The following ATP1A4 variants were observed in gnomAD, a reference collection of about 807,000 sequenced individuals.
ATP1A4 encodes the protein sodium/potassium-transporting ATPase subunit alpha-4.
Under a neutral mutation model 114.3 loss-of-function variants are expected in ATP1A4, and 90 were observed. That is an observed-to-expected ratio of 0.79 (90% CI 0.66 to 0.94). The LOEUF (loss-of-function observed/expected upper bound fraction) is 0.94, where lower values mean the gene tolerates loss of function less well. Among genes scored for constraint, ATP1A4 ranks in the 40% least tolerant of loss-of-function variants. The pLI, the probability that ATP1A4 is intolerant of heterozygous loss-of-function variation, is 0.00. For synonymous variants in ATP1A4, 511 were observed against 494.1 expected, an observed-to-expected ratio of 1.03 and a Z score of -0.45; for missense variants, 1,222 against 1,313.6, an observed-to-expected ratio of 0.93 and a Z score of 1.08.
intron 19 of ATP1A4, 22 bp downstream of exon 19, chr1:160,181,836 C>CT: frequency 1.2e-6 from 2 of 1,613,646 alleles, no homozygotes; most frequent in Non-Finnish European, 1.7e-6. Context: ...ACAAAACAGC[C>CT]CAGCACTCTC....
rs757169894 is a variant in ATP1A4 at position 160,155,128 on chromosome 1, G to C, written c.291G>C (p.Trp97Cys). 6.2e-7 allele frequency: 1 copy of C among 1,613,610 alleles called. No individual in the cohort carries two copies. The highest frequency in any genetic ancestry group is 8.5e-7 in the Non-Finnish European group (1 of 1,179,870). The change falls in exon 3 of 22, where the codon TGG becomes TGC. Residue 97 changes from tryptophan to cysteine, a missense_variant. Trp to Cys is a radical substitution (Grantham distance 215). Coordinates refer to ENST00000368081, the MANE Select transcript of ATP1A4 (RefSeq NM_144699.4). ...CCCCACCCCCCACCACTCCAGAATG[G>C]GTCAAATTCTGTAAGCAACTGTTCG... ...TVTPPPTTPE[W>C]VKFCKQLFGG...
At chr1:160,173,854 C>A in intron 13 of ATP1A4, 137 bp downstream of exon 13, 1 of 1,194,114 alleles carries the variant, frequency 8.4e-7, no homozygotes, top group Non-Finnish European at 1.2e-6. Flanking sequence ...CAAAGTAAAA[C>A]ATAATAGGAA....
chr1:160,161,875 C>T (rs1360239084), intron 6 of ATP1A4, among the ~76,000 whole-genome samples: 3 of 152,164 alleles, frequency 2.0e-5, no homozygotes, highest in Non-Finnish European at 4.4e-5. Flanking sequence ...GAGACCACCA[C>T]GTGCAGCAAT....
At chr1:160,167,106 TCAGTGTC>T (rs1197363344) in intron 9 of ATP1A4, 29 bp downstream of exon 9, 1 of 1,608,138 alleles carries the variant, frequency 6.2e-7, no homozygotes. Flanking sequence ...AGAGGGTACC[TCAGTGTC>T]CAGGGTGTAA....
At chr1:160,175,284 T>C (rs1246029584) in intron 15 of ATP1A4, among the ~76,000 whole-genome samples, 1 of 152,206 alleles carries the variant, frequency 6.6e-6, no homozygotes, top group Non-Finnish European at 1.5e-5. Context: ...GCATTCCAGG[T>C]TCCCTGCTTT....
At chr1:160,178,835 GT>G (rs1273763011) in intron 18 of ATP1A4, among the ~76,000 whole-genome samples, 2 of 152,196 alleles carry the variant, frequency 1.3e-5, no homozygotes. Flanking sequence ...AACAATATGT[GT>G]TTAAGAATTT....
In ATP1A4 at chr1:160,186,362, C is replaced by T. The variant is rs377713967; in HGVS notation, c.3056C>T (p.Pro1019Leu). 4.5e-4 allele frequency: 723 copies of T among 1,612,098 alleles called. No homozygotes were observed. Among genetic ancestry groups the T allele is most frequent in the Non-Finnish European group, 5.7e-4 (666 of 1,178,732 alleles). Residue 1019 changes from proline to leucine, a missense_variant, in exon 21 of 22, where the codon CCG (proline) becomes CTG (leucine). Physicochemically the swap from Pro to Leu is moderately conservative, Grantham distance 98 (BLOSUM62 -3). Transcript: ENST00000368081. ...AGAAAACTCCTCATCCGTCAGCACC[C>T]GGATGGTGAGGCTCCCCTGGGCCCC... is the stretch of plus-strand genomic sequence containing the variant. ...EIRKLLIRQH[P>L]DGWVERETYY
chr1:160,179,706 C>CT (rs1653611860), intron 18 of ATP1A4, among the ~76,000 whole-genome samples: 1 of 152,132 alleles, frequency 6.6e-6, no homozygotes, highest in Admixed American at 6.6e-5. Flanking sequence ...TTCTATGTAC[C>CT]AGGTACTGTT....
Position 160,173,608 on chromosome 1 carries a change from A to C in ATP1A4, c.1882A>C (p.Ile628Leu). The C allele has an allele frequency of 6.2e-7, 1 of 1,614,200 alleles. No homozygotes were observed. Among genetic ancestry groups the C allele is most frequent in the South Asian group, 1.1e-5 (1 of 91,084 alleles). Residue 628 changes from isoleucine (I) to leucine (L), a missense_variant, in exon 13 of 22, where the codon ATT becomes CTT. Physicochemically the swap from Ile to Leu is conservative, Grantham distance 5. Coordinates refer to ENST00000368081, the MANE Select transcript of ATP1A4 (RefSeq NM_144699.4). ...GATCATGGTAACAGGAGATCATCCC[A>C]TTACAGCTAAGGCCATTGCCAAGGG... ...KVIMVTGDHP[I>L]TAKAIAKGVG...
chr1:160,181,709 A>G lies in ATP1A4; in HGVS notation c.2762A>G (p.Glu921Gly). Reference protein sequence around the residue: ...QWTYEQRKVVEFTCQTAFFVT... With the variant: ...QWTYEQRKVVGFTCQTAFFVT... ...ACCTATGAGCAACGAAAAGTTGTGG[A>G]GTTCACATGCCAAACGGCCTTTTTT... Residue 921 changes from glutamate to glycine, a missense_variant, in exon 19 of 22, where the codon GAG becomes GGG. Transcript: ENST00000368081. 6.2e-7 allele frequency: 1 copy of G among 1,614,104 alleles called. No homozygotes were observed.
chr1:160,169,902 TTAGGAGACAGAGGCCCAGGGAC>T (rs1653183717), intron 10 of ATP1A4: 1 of 152,290 alleles, frequency 6.6e-6, no homozygotes, highest in African/African-American at 2.4e-5. Context: ...TCTCACGCTT[TTAGGAGACAGAGGCCCAGGGAC>T]TAGAATGACT....
intron 18 of ATP1A4, among the ~76,000 whole-genome samples, chr1:160,180,694 CTTTTTTTTTTTTTTTTTTTTTTTT>C (rs536915261): frequency 2.2e-4 from 15 of 68,408 alleles, no homozygotes; most frequent in African/African-American, 6.5e-4. Context: ...GCCTTCTTCC[CTTTTTTTTTTTTTTTTTTTTTTTT>C]TTTTTTTTTT....
chr1:160,155,881 G>A (rs1043467133), intron 3 of ATP1A4, among the ~76,000 whole-genome samples, 164 bp from the exon 4 acceptor site: 1 of 152,178 alleles, frequency 6.6e-6, no homozygotes, highest in Admixed American at 6.5e-5. Context: ...AGGAAGCCAA[G>A]TGTACTGGTC....
At chr1:160,161,086 G>A (rs74123268) in intron 6 of ATP1A4, among the ~76,000 whole-genome samples, 5,688 of 152,190 alleles carry the variant, frequency 0.037, 351 homozygotes, top group African/African-American at 0.13. Context: ...TTTGTAGGAG[G>A]CTAAAAAAAC....
At chr1:160,180,347 A>G (rs1653635377) in intron 18 of ATP1A4, among the ~76,000 whole-genome samples, 1 of 152,076 alleles carries the variant, frequency 6.6e-6, no homozygotes, top group South Asian at 2.1e-4. Flanking sequence ...CCTGTTTTCA[A>G]ATTTATTGGA....
chr1:160,186,878 G>A lies in ATP1A4; in HGVS notation c.*179G>A, dbSNP rs1653912818. 1.4e-6 allele frequency: 1 copy of A among 725,850 alleles called. No individual in the cohort carries two copies. Among genetic ancestry groups the A allele is most frequent in the South Asian group, 1.7e-5 (1 of 58,448 alleles). 45.0% of individuals were successfully genotyped at this position (725,850 alleles called of 1,614,324 possible). ...GGGCAGAGGATGAGGTGGGCTGAAG[G>A]GAAGCCCAGCCTGCATCTAGCTGGA... On this transcript the variant is annotated 3_prime_UTR_variant, in exon 22 of 22. Transcript: ENST00000368081.
At chr1:160,161,433 G>T (rs1430427456) in intron 6 of ATP1A4, among the ~76,000 whole-genome samples, 1 of 152,112 alleles carries the variant, frequency 6.6e-6, no homozygotes, top group Admixed American at 6.5e-5. Context: ...TCTGGCCTGG[G>T]GTGCTGGATG....
intron 2 of ATP1A4, 31 bp downstream of exon 2, chr1:160,153,255 A>T: frequency 6.3e-7 from 1 of 1,590,144 alleles, no homozygotes; most frequent in Non-Finnish European, 8.6e-7. Flanking sequence ...GGAGGCAGAG[A>T]GTCTCCAACT....
At chr1:160,169,244 G>A (rs976888948) in intron 10 of ATP1A4, among the ~76,000 whole-genome samples, 2 of 152,242 alleles carry the variant, frequency 1.3e-5, no homozygotes, top group African/African-American at 4.8e-5. Flanking sequence ...GCGGTTTGCA[G>A]AGCCTGGTCT....
Sources: allele counts gnomAD v4.1 joint callset (sites outside exome capture counted in the v4.1 genomes callset), GRCh38; gene constraint gnomAD v4.1.1; transcripts MANE v1.5; gene names NCBI Gene and HGNC (gene_info 2026-07-23, HGNC 2026-07-21).